FRMD4A: variants seen among roughly 807,000 people sequenced by gnomAD.
FRMD4A encodes FERM domain-containing protein 4A.
A neutral mutation model predicts 129.1 loss-of-function variants in FRMD4A; 29 were observed. The ratio of observed to expected loss-of-function variants is 0.22; its 90% CI spans 0.17 to 0.31. The LOEUF (loss-of-function observed/expected upper bound fraction) is 0.31, where lower values mean the gene tolerates loss of function less well. Among genes scored for constraint, FRMD4A ranks in the 10% least tolerant of loss-of-function variants. FRMD4A has a pLI of 1.00. For synonymous variants in FRMD4A, 634 were observed against 571.6 expected, an observed-to-expected ratio of 1.11 and a Z score of -1.56; for missense variants, 1,272 against 1,375.8, an observed-to-expected ratio of 0.92 and a Z score of 1.19.
chr10:14,242,887 T>C (rs1407882373), intron 2 of FRMD4A, among the ~76,000 whole-genome samples: 2 of 152,204 alleles, frequency 1.3e-5, no homozygotes, highest in Admixed American at 6.5e-5. Flanking sequence ...CTTGTAGATA[T>C]AGATCAAGAG....
At chr10:14,029,460 C>A (rs9787576) in intron 2 of FRMD4A, among the ~76,000 whole-genome samples, 3,536 of 152,220 alleles carry the variant, frequency 0.023, 80 homozygotes, top group East Asian at 0.072. Context: ...TAATTCAGTT[C>A]ATATCAACCA....
intron 2 of FRMD4A, among the ~76,000 whole-genome samples, chr10:14,312,624 A>T (rs188797911): frequency 3.0e-4 from 46 of 152,356 alleles, no homozygotes; most frequent in Admixed American, 5.9e-4. Context: ...GATTGATTAA[A>T]TAAATTATGA....
chr10:13,843,730 T>G (rs1458763342), intron 3 of FRMD4A, among the ~76,000 whole-genome samples: 1 of 152,184 alleles, frequency 6.6e-6, no homozygotes, highest in African/African-American at 2.4e-5. Context: ...ACTCCTGACC[T>G]CAGGTGATCT....
chr10:13,714,741 A>G (rs2134946058), intron 12 of FRMD4A, among the ~76,000 whole-genome samples: 1 of 152,290 alleles, frequency 6.6e-6, no homozygotes, highest in South Asian at 2.1e-4. Context: ...CAAACTCTAT[A>G]GAAGTGCCGC....
At chr10:14,082,035 T>C (rs1588932516) in intron 2 of FRMD4A, among the ~76,000 whole-genome samples, 1 of 152,034 alleles carries the variant, frequency 6.6e-6, no homozygotes, top group South Asian at 2.1e-4. Context: ...GATCACGAGG[T>C]CAGAGATCGA....
intron 3 of FRMD4A, among the ~76,000 whole-genome samples, chr10:13,854,304 T>G (rs1376139789): frequency 6.6e-6 from 1 of 152,194 alleles, no homozygotes. Context: ...ACAACGAGAC[T>G]TAGGGAGTTC....
chr10:14,221,511 A>G (rs757742025), intron 2 of FRMD4A, among the ~76,000 whole-genome samples: 19 of 152,206 alleles, frequency 1.2e-4, no homozygotes, highest in Non-Finnish European at 2.4e-4. Context: ...TTCAAAACCA[A>G]ATTGGTTTGC....
intron 2 of FRMD4A, among the ~76,000 whole-genome samples, chr10:14,130,346 G>A (rs1839175095): frequency 6.6e-6 from 1 of 152,066 alleles, no homozygotes; most frequent in Non-Finnish European, 1.5e-5. Flanking sequence ...CTGTAATCTT[G>A]ATCTCCTGGG....
intron 2 of FRMD4A, among the ~76,000 whole-genome samples, chr10:13,867,033 A>C (rs951116144): frequency 6.6e-6 from 1 of 152,204 alleles, no homozygotes; most frequent in African/African-American, 2.4e-5. Flanking sequence ...CTATCATCTC[A>C]CATGGTTACT....
chr10:13,872,945 G>T (rs892114163), intron 2 of FRMD4A, among the ~76,000 whole-genome samples: 4 of 152,136 alleles, frequency 2.6e-5, no homozygotes, highest in Admixed American at 2.6e-4. Context: ...GGAGGCGGAG[G>T]GGGGCAGATC....
intron 16 of FRMD4A, among the ~76,000 whole-genome samples, chr10:13,672,460 A>G (rs999041141): frequency 6.6e-6 from 1 of 152,086 alleles, no homozygotes; most frequent in African/African-American, 2.4e-5. Context: ...AATTCCAAAA[A>G]GGAGGGAAAA....
chr10:14,319,034 C>T (rs935932734), intron 2 of FRMD4A, among the ~76,000 whole-genome samples: 2 of 152,134 alleles, frequency 1.3e-5, no homozygotes, highest in South Asian at 2.1e-4. Flanking sequence ...TGAGGTGGCC[C>T]ACATCATGTG....
At chr10:13,680,705 G>A (rs1302537883) in intron 15 of FRMD4A, among the ~76,000 whole-genome samples, 2 of 151,764 alleles carry the variant, frequency 1.3e-5, no homozygotes, top group African/African-American at 2.4e-5. Context: ...CAGCCGGGGT[G>A]ACAGAGCGAG....
At chr10:13,879,230 C>T (rs79459259) in intron 2 of FRMD4A, among the ~76,000 whole-genome samples, 4,256 of 152,172 alleles carry the variant, frequency 0.028, 187 homozygotes, top group African/African-American at 0.096. Context: ...GAGACCCCAT[C>T]TCTAAAAAAA....
intron 2 of FRMD4A, among the ~76,000 whole-genome samples, chr10:13,932,712 T>C (rs1039731167): frequency 2.0e-5 from 3 of 152,218 alleles, no homozygotes; most frequent in South Asian, 2.1e-4. Context: ...TGAATGATGA[T>C]GTCTTAATAT....
chr10:13,657,273 G>A lies in FRMD4A; in HGVS notation c.2316C>T (p.Ala772=), dbSNP rs773011218. Residue 772 remains alanine, a synonymous_variant, in exon 22 of 25, where the codon GCC becomes GCT. Transcript: ENST00000357447. ...AQMNANYSTL[A]EDSPSKARQR... ...GGCGCGCCTTGGACGGCGAGTCCTC[G>A]GCCAGCGTGGAGTAGTTGGCGTTCA... is the stretch of plus-strand genomic sequence containing the variant. 20 of 1,603,888 alleles carry A rather than the reference G, an allele frequency of 1.2e-5. No individual in the cohort carries two copies. The highest frequency in any genetic ancestry group is 1.6e-5 in the Non-Finnish European group (19 of 1,177,758).
chr10:13,996,610 AAC>A (rs2095623387), intron 2 of FRMD4A, among the ~76,000 whole-genome samples: 1 of 152,196 alleles, frequency 6.6e-6, no homozygotes. Flanking sequence ...GGTGAAGGGG[AAC>A]TAGGCATAAT....
chr10:14,146,890 G>A (rs555208894), intron 2 of FRMD4A, among the ~76,000 whole-genome samples: 2 of 152,302 alleles, frequency 1.3e-5, no homozygotes, highest in South Asian at 2.1e-4. Context: ...AAATGACAGA[G>A]CAATAACTAA....
chr10:14,320,273 G>C (rs1398584168), intron 2 of FRMD4A, among the ~76,000 whole-genome samples: 2 of 152,114 alleles, frequency 1.3e-5, no homozygotes, highest in Admixed American at 1.3e-4. Context: ...ATGCCCCCAA[G>C]AGCATTTGCA....
Sources: gnomAD v4.1 joint callset for allele counts (sites outside exome capture counted in the v4.1 genomes callset) on GRCh38, gnomAD v4.1.1 for gene constraint, MANE v1.5 for transcripts, NCBI Gene and HGNC (gene_info 2026-07-23, HGNC 2026-07-21) for gene names.